Variants in SDK1 observed in about 807,000 individuals in gnomAD.
The protein encoded by SDK1 is protein sidekick-1.
SDK1 carries 157 observed loss-of-function variants against 245.5 expected under a neutral mutation model. The ratio of observed to expected loss-of-function variants is 0.64; its 90% CI spans 0.56 to 0.73. The LOEUF is 0.73. Among genes scored for constraint, SDK1 ranks in the 30% least tolerant of loss-of-function variants. The pLI is 0.00. For missense variants in SDK1, 3,583 were observed against 3,002.3 expected, an observed-to-expected ratio of 1.19 and a Z score of -4.52; for synonymous variants, 1,647 against 1,278.5, an observed-to-expected ratio of 1.29 and a Z score of -6.15.
At position 3,946,117 on chromosome 7, in the gene SDK1, G is replaced by C. The variant is rs1392434383; in HGVS notation, c.848-4806G>C. 2.0e-5 allele frequency among the ~76,000 whole-genome samples: 3 copies of C among 149,798 alleles called. No individual in the cohort carries two copies. The East Asian group carries it at 5.8e-4, about 29-fold the overall frequency. On this transcript the variant is annotated intron_variant, in intron 5 of 44. Transcript: ENST00000404826. The stretch of plus-strand genomic sequence containing the variant: ...ACGCTATCAGGTATGCATGTCTAGA[G>C]TGAAAGGACCTTTCAGTTACCTAGC...
At chr7:3,968,276 C>T (rs1782229116) in intron 10 of SDK1, among the ~76,000 whole-genome samples, 1 of 152,244 alleles carries the variant, frequency 6.6e-6, no homozygotes, top group South Asian at 2.1e-4. Flanking sequence ...CTTTGCAGTT[C>T]CCATAGCCCG....
At chr7:3,567,126 C>A (rs1177338969) in intron 1 of SDK1, among the ~76,000 whole-genome samples, 1 of 152,106 alleles carries the variant, frequency 6.6e-6, no homozygotes, top group Non-Finnish European at 1.5e-5. Flanking sequence ...GGCAAGCTGC[C>A]CTTGTCGTGA....
chr7:3,851,213 A>G (rs1181256328), intron 5 of SDK1, among the ~76,000 whole-genome samples: 1 of 152,182 alleles, frequency 6.6e-6, no homozygotes, highest in East Asian at 1.9e-4. Flanking sequence ...CAGAGATGCT[A>G]TCTGCCCCAA....
intron 5 of SDK1, among the ~76,000 whole-genome samples, chr7:3,835,812 A>G (rs934149157): frequency 6.6e-5 from 10 of 152,204 alleles, no homozygotes; most frequent in Admixed American, 2.0e-4. Context: ...CAATTTCAAT[A>G]TGGATTGGGA....
intron 5 of SDK1, among the ~76,000 whole-genome samples, chr7:3,882,035 A>G (rs1169744249): frequency 6.6e-6 from 1 of 152,188 alleles, no homozygotes; most frequent in African/African-American, 2.4e-5. Flanking sequence ...AGGCCTCACA[A>G]TCATGGCGGA....
At position 3,382,366 on chromosome 7, in the gene SDK1, C is replaced by T. The variant is rs144045921; in HGVS notation, c.298+80482C>T. Among the ~76,000 whole-genome samples, 327 of 152,266 alleles carry T rather than the reference C, an allele frequency of 2.1e-3. 2 individuals are homozygous for T. The highest frequency in any genetic ancestry group is 3.6e-3 in the Non-Finnish European group (242 of 68,024). The stretch of plus-strand genomic sequence containing the variant: ...TAAGTGGTGACACCAGAATTTGAAC[C>T]ACGTATCTGACTCCAGAGTGGTGGT... On this transcript the variant is annotated intron_variant, in intron 1 of 44. Transcript: ENST00000404826.
intron 1 of SDK1, among the ~76,000 whole-genome samples, chr7:3,329,420 A>G (rs760064953): frequency 7.6e-4 from 115 of 152,288 alleles, no homozygotes; most frequent in Non-Finnish European, 1.2e-3. Flanking sequence ...GTACAATTCA[A>G]TAGTTTTTAG....
chr7:3,908,110 T>G (rs1185987471), intron 5 of SDK1, among the ~76,000 whole-genome samples: 1 of 152,182 alleles, frequency 6.6e-6, no homozygotes, highest in Non-Finnish European at 1.5e-5. Context: ...CGTAATGTGC[T>G]GGCTTCTGTG....
intron 5 of SDK1, among the ~76,000 whole-genome samples, chr7:3,829,845 A>G (rs1779870651): frequency 1.3e-5 from 2 of 152,154 alleles, no homozygotes; most frequent in African/African-American, 2.4e-5. Context: ...GTGGCTCAGC[A>G]GCTTTGAGGC....
intron 1 of SDK1, among the ~76,000 whole-genome samples, chr7:3,497,290 G>A (rs924158646): frequency 3.3e-5 from 5 of 152,200 alleles, no homozygotes; most frequent in Non-Finnish European, 7.3e-5. Flanking sequence ...GAAATAAAAT[G>A]TACGCAAGGG....
At chr7:3,820,683 C>T (rs1017207149) in intron 4 of SDK1, among the ~76,000 whole-genome samples, 10 of 152,192 alleles carry the variant, frequency 6.6e-5, no homozygotes, top group Admixed American at 6.5e-4. Context: ...CACCTTCTCC[C>T]TTCTCTGCTG....
intron 44 of SDK1, among the ~76,000 whole-genome samples, chr7:4,249,639 C>G (rs903331386): frequency 6.6e-6 from 1 of 152,198 alleles, no homozygotes; most frequent in African/African-American, 2.4e-5. Context: ...CCTGGACCAT[C>G]CTGTGCTCCC....
intron 1 of SDK1, among the ~76,000 whole-genome samples, chr7:3,522,122 C>T (rs1188138175): frequency 7.1e-6 from 1 of 141,386 alleles, no homozygotes; most frequent in Non-Finnish European, 1.5e-5. Flanking sequence ...CCTTCATTCA[C>T]CTTACTATCT....
In SDK1 at chr7:4,158,470, A is replaced by C; in HGVS notation, c.4648A>C (p.Lys1550Gln). The C allele has an allele frequency of 6.2e-7, 1 of 1,613,636 alleles. No individual in the cohort carries two copies. The highest frequency in any genetic ancestry group is 8.5e-7 in the Non-Finnish European group (1 of 1,179,932). Residue 1550 changes from lysine to glutamine, a missense_variant, in exon 31 of 45, where the codon AAG becomes CAG. Coordinates refer to ENST00000404826, the MANE Select transcript of SDK1 (RefSeq NM_152744.4). The part of the protein sequence containing the change: ...VDRLRPFTSY[K>Q]LRLKATNDIG... ...CAGACTGAGGCCCTTCACCTCCTAC[A>C]AGCTGCGCCTGAAAGCCACCAACGA...
chr7:3,488,742 C>G (rs1330841146), intron 1 of SDK1, among the ~76,000 whole-genome samples: 2 of 152,126 alleles, frequency 1.3e-5, no homozygotes, highest in Admixed American at 1.3e-4. Flanking sequence ...CTGGGGGCCT[C>G]AGTAGCATCA....
intron 5 of SDK1, among the ~76,000 whole-genome samples, chr7:3,887,615 T>G (rs1377399504): frequency 6.6e-6 from 1 of 152,238 alleles, no homozygotes; most frequent in African/African-American, 2.4e-5. Context: ...TGTTTGGTTA[T>G]TTAACAAAAC....
At chr7:3,762,150 A>G (rs187607651) in intron 4 of SDK1, among the ~76,000 whole-genome samples, 37 of 152,306 alleles carry the variant, frequency 2.4e-4, no homozygotes, top group African/African-American at 8.2e-4. Context: ...TATTTCTGCT[A>G]TTGAAATCTA....
intron 4 of SDK1, among the ~76,000 whole-genome samples, chr7:3,792,217 C>T (rs760988991): frequency 6.6e-6 from 1 of 152,066 alleles, no homozygotes; most frequent in Non-Finnish European, 1.5e-5. Flanking sequence ...CATTCCAGCC[C>T]CCCACTTCCA....
At chr7:4,102,545 C>T (rs1220258603) in intron 22 of SDK1, among the ~76,000 whole-genome samples, 1 of 152,198 alleles carries the variant, frequency 6.6e-6, no homozygotes, top group Non-Finnish European at 1.5e-5. Context: ...TGTCTGCTTC[C>T]TCTCCATGTG....
Sources: gnomAD v4.1 joint callset for allele counts (sites outside exome capture counted in the v4.1 genomes callset) on GRCh38, gnomAD v4.1.1 for gene constraint, MANE v1.5 for transcripts, NCBI Gene and HGNC (gene_info 2026-07-23, HGNC 2026-07-21) for gene names.